Variants in DCHS2 observed in about 807,000 individuals in gnomAD.
DCHS2 encodes protocadherin-23.
A neutral mutation model predicts 182.4 loss-of-function variants in DCHS2; 142 were observed. The ratio of observed to expected loss-of-function variants is 0.78; its 90% CI spans 0.68 to 0.89. DCHS2 has a LOEUF of 0.89. Among genes scored for constraint, DCHS2 ranks in the 40% least tolerant of loss-of-function variants. The pLI is 0.00. For missense variants in DCHS2, 4,319 were observed against 4,198.6 expected (o/e 1.03, Z -0.79); for synonymous variants, 1,740 against 1,663.3 (o/e 1.05, Z -1.12).
intron 1 of DCHS2, among the ~76,000 whole-genome samples, chr4:154,394,928 A>T (rs1342706355): frequency 6.6e-6 from 1 of 152,158 alleles, no homozygotes; most frequent in African/African-American, 2.4e-5. Flanking sequence ...TACCAATTAC[A>T]ATTCACTCCA....
At chr4:154,487,731 G>A (rs1460364488) in intron 1 of DCHS2, among the ~76,000 whole-genome samples, 1 of 152,186 alleles carries the variant, frequency 6.6e-6, no homozygotes, top group Non-Finnish European at 1.5e-5. Context: ...CAGAAAGTAA[G>A]CAGCAAACAT....
At position 154,269,911 on chromosome 4, in the gene DCHS2, C is replaced by G; in HGVS notation, c.6566G>C (p.Cys2189Ser). 6.2e-7 allele frequency: 1 copy of G among 1,611,484 alleles called. No individual in the cohort carries two copies. The highest frequency in any genetic ancestry group is 2.2e-5 in the East Asian group (1 of 44,694). The change falls in exon 14 of 20, where the codon TGC (cysteine) becomes TCC (serine). Residue 2189 changes from cysteine to serine, a missense_variant. Coordinates refer to ENST00000357232, the MANE Select transcript of DCHS2 (RefSeq NM_001358235.2). Reference protein sequence around the residue: ...SGNEDGVLSLCSKSGQLTVKE... With the variant: ...SGNEDGVLSLSSKSGQLTVKE... ...TAGAGAAGGATTACCTGACTTAGAGCACAGGGAAAGAACTCCATCTTCATT... is the reference window on the plus strand; with the variant it reads ...TAGAGAAGGATTACCTGACTTAGAGGACAGGGAAAGAACTCCATCTTCATT...
In DCHS2 at chr4:154,315,887, G is replaced by A; in HGVS notation, c.5121C>T (p.Ser1707=). The A allele has an allele frequency of 1.9e-6, 3 of 1,613,896 alleles. No individual in the cohort carries two copies. Among genetic ancestry groups the A allele is most frequent in the East Asian group, 2.2e-5 (1 of 44,846 alleles). Residue 1707 remains serine, a synonymous_variant, in exon 10 of 20, where the codon TCC becomes TCT. Transcript: ENST00000357232. ...CAAGAACAGTAACTGTCAAAGTCTG[G>A]GATGAAGAAAGTGCTGGTGTGCCAT... is the stretch of plus-strand genomic sequence containing the variant. ...LDDGTPALSS[S]QTLTVTVLDV...
chr4:154,308,259 A>AC (rs796205322), intron 10 of DCHS2, among the ~76,000 whole-genome samples: 10 of 152,152 alleles, frequency 6.6e-5, no homozygotes, highest in African/African-American at 2.4e-4. Flanking sequence ...AATTTAAAAA[A>AC]AAAAAACAAA....
intron 3 of DCHS2, among the ~76,000 whole-genome samples, chr4:154,351,171 A>G (rs983793851): frequency 2.0e-5 from 3 of 152,182 alleles, no homozygotes; most frequent in African/African-American, 4.8e-5. Context: ...AACAGGTGGG[A>G]AAAAGGGGGC....
intron 3 of DCHS2, among the ~76,000 whole-genome samples, chr4:154,335,631 A>G (rs1031440800): frequency 1.3e-5 from 2 of 152,194 alleles, no homozygotes; most frequent in Non-Finnish European, 2.9e-5. Flanking sequence ...GCCAGCCTTC[A>G]TAATCACATG....
intron 1 of DCHS2, among the ~76,000 whole-genome samples, chr4:154,463,436 A>G (rs749559378): frequency 1.2e-4 from 19 of 152,130 alleles, no homozygotes; most frequent in Non-Finnish European, 2.1e-4. Flanking sequence ...TATTGTCATG[A>G]AACTAATTCA....
intron 10 of DCHS2, among the ~76,000 whole-genome samples, chr4:154,314,300 AGCT>A (rs1207009823): frequency 3.9e-5 from 6 of 152,168 alleles, no homozygotes; most frequent in Non-Finnish European, 8.8e-5. Context: ...AACTTTACTG[AGCT>A]AAAATTATTG....
chr4:154,394,020 A>C (rs1731823344), intron 1 of DCHS2, among the ~76,000 whole-genome samples: 1 of 152,204 alleles, frequency 6.6e-6, no homozygotes, highest in East Asian at 1.9e-4. Flanking sequence ...AACACAGTTG[A>C]CAAAAACTAA....
Position 154,334,891 on chromosome 4 carries a change from G to C in DCHS2, c.2690C>G (p.Thr897Arg). The C allele has an allele frequency of 6.2e-7, 1 of 1,613,908 alleles. No homozygotes were observed. The highest frequency in any genetic ancestry group is 1.1e-5 in the South Asian group (1 of 91,080). ...ACTCAAGGGCTCTCTTGCTTTCACT[G>C]TTCCAATGGGACTATCTTCAGGCAC... is the stretch of plus-strand genomic sequence containing the variant. ...EDVPEDSPIGTVKAREPLNSS... is the reference protein window; with the variant it reads ...EDVPEDSPIGRVKAREPLNSS... The change falls in exon 4 of 20, where the codon ACA becomes AGA. Residue 897 changes from threonine to arginine, a missense_variant. Coordinates refer to ENST00000357232, the MANE Select transcript of DCHS2 (RefSeq NM_001358235.2).
chr4:154,491,059 G>T lies in DCHS2; in HGVS notation c.297C>A (p.Ser99Arg). 4 of 1,551,206 alleles carry T rather than the reference G, an allele frequency of 2.6e-6. No individual in the cohort carries two copies. The highest frequency in any genetic ancestry group is 1.2e-5 in the South Asian group (1 of 84,050). The change falls in exon 1 of 20, where the codon AGC becomes AGA. Residue 99 changes from serine (S) to arginine (R), a missense_variant. Ser to Arg is a moderately radical substitution (Grantham distance 110). Coordinates refer to ENST00000357232, the MANE Select transcript of DCHS2 (RefSeq NM_001358235.2). Reference protein sequence around the residue: ...GLPAAQQQEGSGFFLSEDSDD... With the variant: ...GLPAAQQQEGRGFFLSEDSDD... ...CGGAGTCCTCCGACAGAAAGAAGCC[G>T]CTCCCCTCCTGCTGCTGCGCGGCCG...
intron 1 of DCHS2, among the ~76,000 whole-genome samples, chr4:154,457,974 CT>C (rs1734843742): frequency 6.6e-6 from 1 of 152,132 alleles, no homozygotes; most frequent in Non-Finnish European, 1.5e-5. Context: ...TTTTGTTTAA[CT>C]TTTTTTCCTA....
intron 12 of DCHS2, 148 bp from the exon 13 acceptor site, chr4:154,298,856 A>T: frequency 8.3e-7 from 1 of 1,199,560 alleles, no homozygotes; most frequent in Non-Finnish European, 1.1e-6. Context: ...AATATTGGGG[A>T]TATAACAGTA....
intron 3 of DCHS2, chr4:154,343,530 G>T: frequency 6.6e-7 from 1 of 1,519,372 alleles, no homozygotes. Context: ...ATCAGCACTT[G>T]CTGCTTCATC....
In DCHS2 at chr4:154,404,083, C is replaced by T. The variant is rs1732302863; in HGVS notation, c.2053-26639G>A. ...TGTGTTCTACTTCATAGGATTTCCTCTTTGTAATTCTTTGCTTCTATTTTC... is the reference window on the plus strand; with the variant it reads ...TGTGTTCTACTTCATAGGATTTCCTTTTTGTAATTCTTTGCTTCTATTTTC... On this transcript the variant is annotated intron_variant, in intron 1 of 19. Coordinates refer to ENST00000357232, the MANE Select transcript of DCHS2 (RefSeq NM_001358235.2). 3.9e-5 allele frequency among the ~76,000 whole-genome samples: 6 copies of T among 152,142 alleles called. No homozygotes were observed. The South Asian group carries it at 1.0e-3, about 26-fold the overall frequency.
In DCHS2 at chr4:154,318,729, G is replaced by T. The variant is rs191562013; in HGVS notation, c.5020+1650C>A. ...AAGATACAAATGGAAAGACATGTAT[G>T]TTCATAGAGTGAAAGGTCTAATATT... On this transcript the variant is annotated intron_variant, in intron 9 of 19. Coordinates refer to ENST00000357232, the MANE Select transcript of DCHS2 (RefSeq NM_001358235.2). Among the ~76,000 whole-genome samples, 890 of 152,198 alleles carry T rather than the reference G, an allele frequency of 5.8e-3. 8 individuals carry two copies. Among genetic ancestry groups the T allele is most frequent in the African/African-American group, 0.02 (847 of 41,546 alleles).
intron 14 of DCHS2, among the ~76,000 whole-genome samples, chr4:154,265,867 T>C (rs1323997179): frequency 6.6e-6 from 1 of 152,130 alleles, no homozygotes; most frequent in African/African-American, 2.4e-5. Flanking sequence ...GTGGGGGATA[T>C]ATTCTGAGAC....
chr4:154,250,900 C>A (rs74980579), intron 16 of DCHS2, among the ~76,000 whole-genome samples: 9,402 of 152,270 alleles, frequency 0.062, 611 homozygotes, highest in Admixed American at 0.2. Flanking sequence ...GAAAGTCTTT[C>A]AAAACTTGCC....
At position 154,298,331 on chromosome 4, in the gene DCHS2, G is replaced by T; in HGVS notation, c.5983C>A (p.Leu1995Ile). The T allele has an allele frequency of 6.2e-7, 1 of 1,614,164 alleles. No homozygotes were observed. The highest frequency in any genetic ancestry group is 8.5e-7 in the Non-Finnish European group (1 of 1,180,022). Residue 1995 changes from leucine (L) to isoleucine (I), a missense_variant, in exon 13 of 20, where the codon CTC becomes ATC. By Grantham distance (5) the Leu-to-Ile change is conservative (BLOSUM62 2). Coordinates refer to ENST00000357232, the MANE Select transcript of DCHS2 (RefSeq NM_001358235.2). The part of the protein sequence containing the change: ...MSGTLKTSNT[L>I]DREARSQHTF... ...TGCTGAGATCTGGCTTCACGGTCGA[G>T]GGTGTTGCTGGTTTTCAATGTGCCT...
Sources: allele counts gnomAD v4.1 joint callset (sites outside exome capture counted in the v4.1 genomes callset), GRCh38; gene constraint gnomAD v4.1.1; transcripts MANE v1.5; gene names NCBI Gene and HGNC (gene_info 2026-07-23, HGNC 2026-07-21).